PCLO: variants seen among roughly 807,000 people sequenced by gnomAD.
PCLO encodes protein piccolo.
A neutral mutation model predicts 427.5 loss-of-function variants in PCLO; 82 were observed. The observed-to-expected ratio is 0.19, with a 90% confidence interval of 0.16 to 0.23. PCLO has a LOEUF of 0.23. Among genes scored for constraint, PCLO ranks in the 10% least tolerant of loss-of-function variants. PCLO has a pLI of 1.00. For missense variants in PCLO, 6,239 were observed against 6,115.9 expected (o/e 1.02, Z -0.67); for synonymous variants, 2,357 against 2,155.4 (o/e 1.09, Z -2.59).
intron 3 of PCLO, among the ~76,000 whole-genome samples, chr7:83,110,609 A>T (rs2116521533): frequency 6.6e-6 from 1 of 152,272 alleles, no homozygotes; most frequent in South Asian, 2.1e-4. Flanking sequence ...CTATTCTGAT[A>T]ACATCCAAAA....
chr7:83,031,269 C>T (rs1788658679), intron 3 of PCLO, among the ~76,000 whole-genome samples: 1 of 152,176 alleles, frequency 6.6e-6, no homozygotes, highest in Non-Finnish European at 1.5e-5. Context: ...TCCAAACATC[C>T]TCTTCCAAAT....
At chr7:82,853,691 CA>C (rs540725301) in intron 10 of PCLO, among the ~76,000 whole-genome samples, 131 of 152,096 alleles carry the variant, frequency 8.6e-4, no homozygotes, top group African/African-American at 3.1e-3. Flanking sequence ...GTTTATGAGC[CA>C]CCTTGCTGTT....
At chr7:83,144,091 C>T (rs1197793373) in intron 2 of PCLO, among the ~76,000 whole-genome samples, 1 of 152,174 alleles carries the variant, frequency 6.6e-6, no homozygotes, top group Non-Finnish European at 1.5e-5. Context: ...CAATTAGTTG[C>T]ATGTTGACTT....
intron 22 of PCLO, among the ~76,000 whole-genome samples, chr7:82,787,533 T>C (rs911841002): frequency 6.6e-6 from 1 of 152,118 alleles, no homozygotes; most frequent in Non-Finnish European, 1.5e-5. Flanking sequence ...TTAAATACTT[T>C]ATTAAGAAAA....
At chr7:83,151,306 A>G (rs1223124175) in intron 2 of PCLO, among the ~76,000 whole-genome samples, 1 of 152,216 alleles carries the variant, frequency 6.6e-6, no homozygotes, top group Non-Finnish European at 1.5e-5. Context: ...ACTGTTATCT[A>G]TGTAAAAAAG....
chr7:83,059,303 A>G (rs1562943736), intron 3 of PCLO, among the ~76,000 whole-genome samples: 1 of 143,592 alleles, frequency 7.0e-6, no homozygotes, highest in East Asian at 2.0e-4. Flanking sequence ...AAATATATAT[A>G]TATATTATAT....
In PCLO at chr7:82,915,172, G is replaced by A. The variant is rs373739483; in HGVS notation, c.12814C>T (p.Arg4272Cys). The part of the protein sequence containing the change: ...TGLGTLGNTI[R>C]SALQDEADKP... ...TCCGCTTCATCCTGCAGAGCTGAGC[G>A]TATGGTATTTCCTAATGTGCCCAGT... Residue 4272 changes from arginine to cysteine, a missense_variant, in exon 7 of 25, where the codon CGC becomes TGC. This residue lies in a region of PCLO where 680 missense variants were observed against 677.3 expected (regional missense o/e 1.00). Coordinates refer to ENST00000333891, the MANE Select transcript of PCLO (RefSeq NM_033026.6). The A allele has an allele frequency of 8.8e-5, 141 of 1,602,504 alleles. No individual in the cohort carries two copies. Among genetic ancestry groups the A allele is most frequent in the South Asian group, 2.1e-4 (19 of 89,890 alleles).
Position 82,758,715 on chromosome 7 carries a change from T to C in PCLO, c.15289A>G (p.Ile5097Val), listed in dbSNP as rs1170469639. Residue 5097 changes from isoleucine (I) to valine (V), a missense_variant and splice_region_variant, in exon 25 of 25, where the codon ATT becomes GTT. Physicochemically the swap from Ile to Val is conservative, Grantham distance 29. This residue lies in a region of PCLO where 877 missense variants were observed against 925.5 expected (regional missense o/e 0.95). Coordinates refer to ENST00000333891, the MANE Select transcript of PCLO (RefSeq NM_033026.6). ...SLSPAGHSLQ[I>V]LLFSNGGKFM... is the part of the protein sequence containing the mutation. The stretch of plus-strand genomic sequence containing the variant: ...TTCCCTCCATTGGAGAAAAGTAAAA[T>C]CTAGAAAAAATAGGCAAAAATAAAC... 14 of 1,579,184 alleles carry C rather than the reference T, an allele frequency of 8.9e-6. No homozygotes were observed. The highest frequency in any genetic ancestry group is 1.4e-5 in the African/African-American group (1 of 73,582).
chr7:82,995,505 A>G lies in PCLO; in HGVS notation c.3301-29018T>C, dbSNP rs1796475210. 7.9e-5 allele frequency among the ~76,000 whole-genome samples: 12 copies of G among 152,152 alleles called. No individual in the cohort carries two copies. The South Asian group carries it at 2.5e-3, about 32-fold the overall frequency. ...TCATGAAGTGGCTGGAATATGAGAA[A>G]ATGCAATCATAAAACACAAGTAGCT... On this transcript the variant is annotated intron_variant, in intron 3 of 24. Coordinates refer to ENST00000333891, the MANE Select transcript of PCLO (RefSeq NM_033026.6).
chr7:82,887,079 T>C (rs151024526), intron 9 of PCLO, among the ~76,000 whole-genome samples: 7 of 152,330 alleles, frequency 4.6e-5, no homozygotes, highest in East Asian at 1.9e-4. Context: ...GTTTCTCCTA[T>C]GTGTCTGACA....
In PCLO at chr7:82,915,402, A is replaced by C. The variant is rs1794424868; in HGVS notation, c.12584T>G (p.Leu4195Arg). Residue 4195 changes from leucine (L) to arginine (R), a missense_variant, in exon 7 of 25, where the codon CTA becomes CGA. By Grantham distance (102) the Leu-to-Arg change is moderately radical. Coordinates refer to ENST00000333891, the MANE Select transcript of PCLO (RefSeq NM_033026.6). Reference protein sequence around the residue: ...YQKQSKHKKSLIDPKMSKFSP... With the variant: ...YQKQSKHKKSRIDPKMSKFSP... ...AAATTTTGACATTTTAGGGTCAATT[A>C]GTGATTTCTTATGCTTTGACTGCTT... 6.2e-7 allele frequency: 1 copy of C among 1,613,620 alleles called. No homozygotes were observed. The highest frequency in any genetic ancestry group is 8.5e-7 in the Non-Finnish European group (1 of 1,179,718).
At chr7:82,782,950 ATGTT>A (rs543744552) in intron 22 of PCLO, among the ~76,000 whole-genome samples, 1 of 152,156 alleles carries the variant, frequency 6.6e-6, no homozygotes, top group Non-Finnish European at 1.5e-5. Context: ...CTTTGTCACG[ATGTT>A]TGTTCCAGGT....
chr7:82,776,668 G>A (rs770411652), intron 22 of PCLO, among the ~76,000 whole-genome samples: 9 of 151,936 alleles, frequency 5.9e-5, no homozygotes, highest in Non-Finnish European at 1.0e-4. Context: ...GATGGCGTGC[G>A]CCTGTAATCC....
intron 3 of PCLO, among the ~76,000 whole-genome samples, chr7:83,085,914 C>T (rs7794023): frequency 0.49 from 74,210 of 151,688 alleles, 18,277 homozygotes; most frequent in African/African-American, 0.51. Flanking sequence ...TCAGTACTAG[C>T]GGTACTAATG....
At chr7:83,027,282 C>T (rs1369333776) in intron 3 of PCLO, among the ~76,000 whole-genome samples, 11 of 150,568 alleles carry the variant, frequency 7.3e-5, no homozygotes, top group African/African-American at 1.2e-4. Flanking sequence ...ATATCACCAC[C>T]GATCCCACAG....
intron 8 of PCLO, among the ~76,000 whole-genome samples, chr7:82,908,372 A>G (rs1339520888): frequency 1.3e-5 from 2 of 152,110 alleles, no homozygotes; most frequent in Non-Finnish European, 2.9e-5. Context: ...CACATATAAA[A>G]TTCAAAAATA....
chr7:83,081,956 A>G (rs1254271420), intron 3 of PCLO, among the ~76,000 whole-genome samples: 1 of 151,772 alleles, frequency 6.6e-6, no homozygotes, highest in African/African-American at 2.4e-5. Context: ...TGTCAAAATT[A>G]TTAATGTATA....
At chr7:83,122,516 C>T (rs541939897) in intron 3 of PCLO, among the ~76,000 whole-genome samples, 17 of 152,166 alleles carry the variant, frequency 1.1e-4, no homozygotes, top group African/African-American at 3.6e-4. Flanking sequence ...GAACTGCTGA[C>T]CTCAGGTGAT....
At chr7:83,132,717 G>T (rs2116607312) in intron 3 of PCLO, among the ~76,000 whole-genome samples, 1 of 152,052 alleles carries the variant, frequency 6.6e-6, no homozygotes, top group East Asian at 1.9e-4. Flanking sequence ...TACTTTAAAT[G>T]CAAAAAGTAT....
Sources: gnomAD v4.1 joint callset for allele counts (sites outside exome capture counted in the v4.1 genomes callset) on GRCh38, gnomAD v4.1.1 for gene constraint, gnomAD v4.1.1 regional missense constraint, MANE v1.5 for transcripts, NCBI Gene and HGNC (gene_info 2026-07-23, HGNC 2026-07-21) for gene names.